EPHA3: variants seen among roughly 807,000 people sequenced by gnomAD.
The protein encoded by EPHA3 is ephrin type-A receptor 3.
Under a neutral mutation model 107.1 loss-of-function variants are expected in EPHA3, and 42 were observed. The ratio of observed to expected loss-of-function variants is 0.39; its 90% confidence interval spans 0.31 to 0.51. EPHA3 has a LOEUF of 0.51. EPHA3 is among the 20% of genes least tolerant of loss of function. The probability of loss-of-function intolerance (pLI) is 0.78; values close to 1 mark genes in which losing one functional copy is unlikely to be tolerated. For synonymous variants in EPHA3, 461 were observed against 424.8 expected (o/e 1.09, Z -1.05); for missense variants, 1,183 against 1,211.2 (o/e 0.98, Z 0.35).
intron 2 of EPHA3, among the ~76,000 whole-genome samples, chr3:89,159,753 A>G (rs1704887683): frequency 6.6e-6 from 1 of 152,078 alleles, no homozygotes; most frequent in African/African-American, 2.4e-5. Context: ...AATTTTCATC[A>G]TTTTTATTAT....
At chr3:89,277,877 G>T (rs1379000243) in intron 3 of EPHA3, among the ~76,000 whole-genome samples, 1 of 151,984 alleles carries the variant, frequency 6.6e-6, no homozygotes, top group Non-Finnish European at 1.5e-5. Context: ...TTCTCTTTTG[G>T]ACCCTCCATG....
intron 3 of EPHA3, among the ~76,000 whole-genome samples, chr3:89,277,652 C>T (rs1162157405): frequency 1.3e-5 from 2 of 152,062 alleles, no homozygotes; most frequent in East Asian, 3.9e-4. Flanking sequence ...CTAAAGCACC[C>T]AGTTTAATCA....
intron 2 of EPHA3, among the ~76,000 whole-genome samples, chr3:89,162,528 CCT>C (rs1272104727): frequency 1.3e-5 from 2 of 152,124 alleles, no homozygotes; most frequent in Admixed American, 6.5e-5. Context: ...ACTTGTCCAA[CCT>C]CTCTCCTTCT....
intron 5 of EPHA3, among the ~76,000 whole-genome samples, chr3:89,343,159 A>G (rs1707571603): frequency 6.6e-6 from 1 of 152,174 alleles, no homozygotes. Flanking sequence ...TGACTAAATT[A>G]TCTTATCACC....
intron 3 of EPHA3, among the ~76,000 whole-genome samples, chr3:89,221,356 G>C (rs1355805537): frequency 6.6e-6 from 1 of 152,134 alleles, no homozygotes; most frequent in Non-Finnish European, 1.5e-5. Flanking sequence ...TCACGTAATG[G>C]TCATCGTATC....
intron 3 of EPHA3, among the ~76,000 whole-genome samples, chr3:89,287,824 C>G (rs540562454): frequency 6.6e-6 from 1 of 152,190 alleles, no homozygotes; most frequent in South Asian, 2.1e-4. Context: ...TACCTCAACT[C>G]TCCCTTCTTC....
At chr3:89,219,636 A>G (rs1364293363) in intron 3 of EPHA3, among the ~76,000 whole-genome samples, 1 of 149,056 alleles carries the variant, frequency 6.7e-6, no homozygotes, top group Non-Finnish European at 1.5e-5. Flanking sequence ...TCTGGAGTCT[A>G]CACCAGTGTT....
At chr3:89,203,540 G>A (rs6778523) in intron 2 of EPHA3, among the ~76,000 whole-genome samples, 17,084 of 151,736 alleles carry the variant, frequency 0.11, 984 homozygotes, top group South Asian at 0.19. Flanking sequence ...TTGGGAGGCC[G>A]AGGCGGGCAG....
intron 3 of EPHA3, among the ~76,000 whole-genome samples, chr3:89,323,751 T>C (rs1231685623): frequency 6.6e-6 from 1 of 152,154 alleles, no homozygotes; most frequent in Non-Finnish European, 1.5e-5. Context: ...TTTATTTTTC[T>C]TACGTATCAG....
At chr3:89,243,650 CAGAGGAGTA>C (rs1704963116) in intron 3 of EPHA3, among the ~76,000 whole-genome samples, 1 of 152,072 alleles carries the variant, frequency 6.6e-6, no homozygotes, top group Non-Finnish European at 1.5e-5. Flanking sequence ...AGCCCTTTGT[CAGAGGAGTA>C]GCCCTTCGTC....
At chr3:89,425,403 GTTT>G (rs71621549) in intron 11 of EPHA3, among the ~76,000 whole-genome samples, 9 of 136,478 alleles carry the variant, frequency 6.6e-5, no homozygotes, top group African/African-American at 2.4e-4. Context: ...TCCATCTCCC[GTTT>G]TTTTTTTTTT....
chr3:89,300,298 C>T (rs1358159005), intron 3 of EPHA3, among the ~76,000 whole-genome samples: 1 of 151,920 alleles, frequency 6.6e-6, no homozygotes, highest in African/African-American at 2.4e-5. Flanking sequence ...CTATAAACTA[C>T]TCTTACAGCC....
intron 2 of EPHA3, among the ~76,000 whole-genome samples, chr3:89,199,583 CT>C (rs1559596684): frequency 6.6e-6 from 1 of 152,102 alleles, no homozygotes; most frequent in Non-Finnish European, 1.5e-5. Flanking sequence ...TCTTTGAATA[CT>C]TTTAATAATT....
At chr3:89,296,215 A>G (rs1576295803) in intron 3 of EPHA3, among the ~76,000 whole-genome samples, 2 of 152,292 alleles carry the variant, frequency 1.3e-5, no homozygotes, top group East Asian at 3.9e-4. Context: ...TTTTAAGGGA[A>G]TCTAGAATGG....
At position 89,358,153 on chromosome 3, in the gene EPHA3, T is replaced by A. The variant is rs184190559; in HGVS notation, c.1306+16063T>A. ...TGAAAGAAGAGAGACTTTTTTTTACTAAAATATTTGAACAGGATAGTCTTT... is the reference window on the plus strand; with the variant it reads ...TGAAAGAAGAGAGACTTTTTTTTACAAAAATATTTGAACAGGATAGTCTTT... On this transcript the variant is annotated intron_variant, in intron 5 of 16. Transcript: ENST00000336596. Among the ~76,000 whole-genome samples the A allele has an allele frequency of 8.8e-3, 1,324 of 151,238 alleles. 62 individuals are homozygous for A. Among genetic ancestry groups the A allele is most frequent in the Non-Finnish European group, 0.012 (837 of 67,498 alleles).
intron 1 of EPHA3, among the ~76,000 whole-genome samples, chr3:89,123,537 C>T (rs1345419547): frequency 2.0e-5 from 3 of 152,168 alleles, no homozygotes; most frequent in East Asian, 1.9e-4. Context: ...TAACTTAGTG[C>T]CCATCTGAAA....
At chr3:89,348,072 T>G (rs1707716007) in intron 5 of EPHA3, among the ~76,000 whole-genome samples, 1 of 149,810 alleles carries the variant, frequency 6.7e-6, no homozygotes. Flanking sequence ...TGGTCTAAAA[T>G]TCTCTTTTTT....
intron 3 of EPHA3, among the ~76,000 whole-genome samples, chr3:89,258,449 A>G (rs1285388868): frequency 6.6e-6 from 1 of 152,182 alleles, no homozygotes; most frequent in African/African-American, 2.4e-5. Context: ...AAATTTCCCT[A>G]TTGTTAGATG....
At chr3:89,398,868 G>T (rs1708899388) in intron 6 of EPHA3, among the ~76,000 whole-genome samples, 1 of 152,252 alleles carries the variant, frequency 6.6e-6, no homozygotes, top group African/African-American at 2.4e-5. Flanking sequence ...GGTGGCTCAT[G>T]CCTGTAATCC....
Sources: gnomAD v4.1 joint callset for allele counts (sites outside exome capture counted in the v4.1 genomes callset) on GRCh38, gnomAD v4.1.1 for gene constraint, MANE v1.5 for transcripts, NCBI Gene and HGNC (gene_info 2026-07-23, HGNC 2026-07-21) for gene names.